Variants in ARSG observed in about 807,000 individuals in gnomAD.
ARSG encodes the protein ASG.
A neutral mutation model predicts 50.5 loss-of-function variants in ARSG; 37 were observed. That is an observed-to-expected ratio of 0.73 (90% CI 0.56 to 0.96). The LOEUF (loss-of-function observed/expected upper bound fraction) is 0.96. Ranked by LOEUF, ARSG falls within the 50% of genes least tolerant of loss-of-function variation. The pLI is 0.00. For synonymous variants in ARSG, 225 were observed against 254.6 expected (o/e 0.88, Z 1.11); for missense variants, 629 against 675.3 (o/e 0.93, Z 0.76).
At chr17:68,343,565 G>A in intron 2 of ARSG, 39 bp from the exon 3 acceptor site, 1 of 1,525,776 alleles carries the variant, frequency 6.6e-7, no homozygotes, top group Non-Finnish European at 8.8e-7. Flanking sequence ...CTGGCTTCCT[G>A]TGGTTGGTGC....
intron 4 of ARSG, among the ~76,000 whole-genome samples, chr17:68,347,467 A>C (rs1020335854): frequency 6.6e-6 from 1 of 152,172 alleles, no homozygotes; most frequent in Non-Finnish European, 1.5e-5. Flanking sequence ...CTCAGGGAAC[A>C]TTCTGCCCCA....
chr17:68,319,674 C>T (rs547331941), intron 2 of ARSG, among the ~76,000 whole-genome samples: 14 of 152,270 alleles, frequency 9.2e-5, no homozygotes, highest in South Asian at 2.1e-4. Context: ...TGAATCTCTA[C>T]GAAGAGGAGG....
intron 10 of ARSG, among the ~76,000 whole-genome samples, chr17:68,397,684 G>A (rs996792939): frequency 3.3e-5 from 5 of 152,148 alleles, no homozygotes; most frequent in Admixed American, 6.5e-5. Context: ...GCATATGTGT[G>A]CATACGTCTA....
rs201539354 is a variant in ARSG, at chr17:68,385,106, G to A, written c.1025G>A (p.Arg342Gln). The A allele has an allele frequency of 1.2e-5, 19 of 1,614,036 alleles. No individual in the cohort carries two copies. The highest frequency in any genetic ancestry group is 4.5e-5 in the East Asian group (2 of 44,866). The change falls in exon 9 of 12, where the codon CGG (arginine) becomes CAG (glutamine). Residue 342 changes from arginine (R) to glutamine (Q), a missense_variant. Physicochemically the swap from Arg to Gln is conservative, Grantham distance 43. Transcript: ENST00000621439. ...AKQTTWEGGH[R>Q]VPALAYWPGR... ...CAGACGACCTGGGAAGGAGGGCACC[G>A]GGTCCCAGCACTGGCTTACTGGCCT...
intron 5 of ARSG, among the ~76,000 whole-genome samples, chr17:68,354,960 T>C (rs867115115): frequency 1.3e-5 from 2 of 152,208 alleles, no homozygotes; most frequent in Non-Finnish European, 2.9e-5. Flanking sequence ...TGTGTGCATG[T>C]AGGTGTGATG....
chr17:68,289,480 T>A (rs1220683986), upstream of ARSG, among the ~76,000 whole-genome samples: 1 of 152,182 alleles, frequency 6.6e-6, no homozygotes, highest in African/African-American at 2.4e-5. Context: ...AGGCTCTGGA[T>A]GGAAATGGGG....
At position 68,351,686 on chromosome 17, in the gene ARSG, G is replaced by C; in HGVS notation, c.566G>C (p.Arg189Thr). The C allele has an allele frequency of 6.2e-7, 1 of 1,600,870 alleles. No individual in the cohort carries two copies. Among genetic ancestry groups the C allele is most frequent in the Non-Finnish European group, 8.6e-7 (1 of 1,168,090 alleles). ...TGTCCACAGGGTGATGGACCATCAA[G>C]GTAATGCTGTCTGACACATTTGCGA... Reference protein sequence around the residue: ...PACPQGDGPSRNLQRDCYTDV... With the variant: ...PACPQGDGPSTNLQRDCYTDV... Residue 189 changes from arginine to threonine, a missense_variant and splice_region_variant, in exon 5 of 12, where the codon AGG becomes ACG. Physicochemically the swap from Arg to Thr is moderately conservative, Grantham distance 71 (BLOSUM62 -1). Transcript: ENST00000621439.
chr17:68,376,355 C>G lies in ARSG; in HGVS notation c.982+5831C>G, dbSNP rs191535042. 1.4e-3 allele frequency among the ~76,000 whole-genome samples: 218 copies of G among 150,678 alleles called. 4 individuals are homozygous for G. Among genetic ancestry groups the G allele is most frequent in the African/African-American group, 4.7e-3 (193 of 40,980 alleles). On this transcript the variant is annotated intron_variant, in intron 8 of 11. Transcript: ENST00000621439. ...GCAGTGGCATCATTACAGCTCACTG[C>G]AGCCTCAACCTCCTGGATTCAAGCA...
chr17:68,297,049 A>G (rs1480517504), intron 1 of ARSG, among the ~76,000 whole-genome samples: 1 of 152,226 alleles, frequency 6.6e-6, no homozygotes, highest in African/African-American at 2.4e-5. Context: ...GGAATTATGC[A>G]GTGCATAAAC....
chr17:68,267,091 G>C (rs1205603819), intron 1 of ARSG: 2 of 152,102 alleles, frequency 1.3e-5, no homozygotes, highest in Non-Finnish European at 2.9e-5. Context: ...CACTAATACA[G>C]AACAGATCAG....
At chr17:68,404,068 A>G (rs2081598743) in intron 11 of ARSG, among the ~76,000 whole-genome samples, 1 of 152,170 alleles carries the variant, frequency 6.6e-6, no homozygotes, top group Admixed American at 6.5e-5. Flanking sequence ...ATAGTATTCC[A>G]TGGTGTATAT....
chr17:68,403,211 A>G (rs1418933814), intron 11 of ARSG, among the ~76,000 whole-genome samples: 2 of 152,202 alleles, frequency 1.3e-5, no homozygotes, highest in Non-Finnish European at 2.9e-5. Flanking sequence ...GAGTCCTTAT[A>G]TTACATTATC....
At chr17:68,332,772 G>A (rs1488204216) in intron 2 of ARSG, among the ~76,000 whole-genome samples, 1 of 151,998 alleles carries the variant, frequency 6.6e-6, no homozygotes, top group Non-Finnish European at 1.5e-5. Context: ...CTCCGTTCGG[G>A]GTCCCTGACT....
intron 2 of ARSG, among the ~76,000 whole-genome samples, chr17:68,340,070 C>G (rs2078199934): frequency 6.6e-6 from 1 of 152,144 alleles, no homozygotes; most frequent in South Asian, 2.1e-4. Context: ...ATCTGACTGC[C>G]TGGCATCCTT....
chr17:68,383,768 C>A (rs2080559291), intron 8 of ARSG, among the ~76,000 whole-genome samples: 1 of 152,188 alleles, frequency 6.6e-6, no homozygotes, highest in Non-Finnish European at 1.5e-5. Flanking sequence ...GGAGACGTGG[C>A]CCTCGATAGG....
Position 68,351,580 on chromosome 17 carries a change from G to T in ARSG, c.460G>T (p.Asp154Tyr), listed in dbSNP as rs773398550. 1 of 1,607,144 alleles carries T rather than the reference G, an allele frequency of 6.2e-7. No homozygotes were observed. The highest frequency in any genetic ancestry group is 8.5e-7 in the Non-Finnish European group (1 of 1,173,756). Residue 154 changes from aspartate to tyrosine, a missense_variant, in exon 5 of 12, where the codon GAT becomes TAT. Coordinates refer to ENST00000621439, the MANE Select transcript of ARSG (RefSeq NM_001267727.2). ...ACCGGTTGCTTCTATTCCAGGTTTT[G>T]ATTACTACTTTGGAATCCCATATAG... ...GSYHPNFRGF[D>Y]YYFGIPYSHD...
At chr17:68,351,712 T>G in intron 5 of ARSG, 26 bp downstream of exon 5, 1 of 1,493,100 alleles carries the variant, frequency 6.7e-7, no homozygotes, top group Non-Finnish European at 9.3e-7. Flanking sequence ...ACATTTGCGA[T>G]AGGCTCCAGG....
At chr17:68,264,471 C>T (rs2075121168) in intron 1 of ARSG, among the ~76,000 whole-genome samples, 1 of 151,770 alleles carries the variant, frequency 6.6e-6, no homozygotes, top group Non-Finnish European at 1.5e-5. Flanking sequence ...TGGAGTTTCG[C>T]TCTTGTTGCC....
chr17:68,419,339 T>C (rs949122131), intron 11 of ARSG, among the ~76,000 whole-genome samples: 13 of 152,134 alleles, frequency 8.5e-5, no homozygotes, highest in Non-Finnish European at 1.8e-4. Context: ...AGTGGGCAGA[T>C]CATGAGGTTA....
Sources: allele counts gnomAD v4.1 joint callset (sites outside exome capture counted in the v4.1 genomes callset), GRCh38; gene constraint gnomAD v4.1.1; transcripts MANE v1.5; gene names NCBI Gene and HGNC (gene_info 2026-07-23, HGNC 2026-07-21).